Variants in FAM13B observed in about 807,000 individuals in gnomAD.
The protein encoded by FAM13B is protein FAM13B.
A neutral mutation model predicts 117.3 loss-of-function variants in FAM13B; 60 were observed. The ratio of observed to expected loss-of-function variants is 0.51; its 90% CI spans 0.42 to 0.63. The LOEUF is 0.63. Ranked by LOEUF, FAM13B falls within the 30% of genes least tolerant of loss-of-function variation. FAM13B has a pLI of 0.00. For synonymous variants in FAM13B, 332 were observed against 356.1 expected (o/e 0.93, Z 0.76); for missense variants, 972 against 1,091.9 (o/e 0.89, Z 1.55).
chr5:137,941,772 A>G (rs1465176497), intron 23 of FAM13B, among the ~76,000 whole-genome samples, 172 bp downstream of exon 23: 2 of 152,234 alleles, frequency 1.3e-5, no homozygotes, highest in African/African-American at 4.8e-5. Flanking sequence ...GGCTGTGACT[A>G]TTCCTGGCCA....
chr5:137,969,080 G>A (rs557589682), intron 10 of FAM13B, among the ~76,000 whole-genome samples: 14 of 152,366 alleles, frequency 9.2e-5, no homozygotes, highest in South Asian at 8.3e-4. Flanking sequence ...CAAAGCAGCC[G>A]GGAAGCTCTA....
Position 138,032,831 on chromosome 5 carries a change from C to G in FAM13B, c.-252G>C, listed in dbSNP as rs1160647525. 1.0e-6 allele frequency: 1 copy of G among 985,772 alleles called. No homozygotes were observed. The highest frequency in any genetic ancestry group is 1.7e-5 in the African/African-American group (1 of 57,366). 61.1% of individuals were successfully genotyped at this position (985,772 alleles called of 1,614,324 possible). ...CCTGGCCGCGGCCGCTTCTCCAGGA[C>G]CCGCGGCGACGGCAAGAGGGCGAGA... is the stretch of plus-strand genomic sequence containing the variant. On this transcript the variant is annotated 5_prime_UTR_variant, in exon 1 of 24. Transcript: ENST00000689681.
upstream of FAM13B, chr5:138,036,119 C>T (rs1791132973): frequency 3.0e-6 from 1 of 332,190 alleles, no homozygotes. Flanking sequence ...GTTGTGCACT[C>T]CGTACCCTAG....
chr5:137,939,801 C>T lies in FAM13B; in HGVS notation c.*424G>A. 1.7e-6 allele frequency: 2 copies of T among 1,179,894 alleles called. No homozygotes were observed. The highest frequency in any genetic ancestry group is 1.1e-6 in the Non-Finnish European group (1 of 946,232). The allele number at this position is 1,179,894 out of a possible 1,614,324, so 73.1% of individuals were successfully genotyped here. A position where few individuals can be genotyped will look rare whatever the true frequency, so the allele number is the denominator to read the frequency against. On this transcript the variant is annotated 3_prime_UTR_variant, in exon 24 of 24. Coordinates refer to ENST00000689681, the MANE Select transcript of FAM13B (RefSeq NM_001385994.1). Reference sequence around the variant, plus strand: ...CTTTTCTTTCAAATTTTCAGTCATTCTGTAAGAAAAAGGCAACAGAAGAAT... The same window carrying T: ...CTTTTCTTTCAAATTTTCAGTCATTTTGTAAGAAAAAGGCAACAGAAGAAT...
chr5:138,005,622 TAGA>T (rs1044692593), intron 7 of FAM13B, among the ~76,000 whole-genome samples: 4 of 151,784 alleles, frequency 2.6e-5, no homozygotes, highest in Admixed American at 6.6e-5. Flanking sequence ...AAAAATAAAT[TAGA>T]AGGTCATGTA....
chr5:137,940,138 A>G lies in FAM13B; in HGVS notation c.*87T>C, dbSNP rs1315083471. On this transcript the variant is annotated 3_prime_UTR_variant, in exon 24 of 24. Transcript: ENST00000689681. ...TGAGATTCTCTGAGTGCCTGACAAA[A>G]CGAATTTAAGTACCAGCCAAGTACA... 1 of 1,613,920 alleles carries G rather than the reference A, an allele frequency of 6.2e-7. No individual in the cohort carries two copies. The highest frequency in any genetic ancestry group is 8.5e-7 in the Non-Finnish European group (1 of 1,179,916).
At chr5:137,943,359 C>T in intron 20 of FAM13B, 143 bp from the exon 21 acceptor site, 2 of 649,576 alleles carry the variant, frequency 3.1e-6, no homozygotes, top group Non-Finnish European at 5.1e-6. Context: ...GAATTGCTTA[C>T]ATTTATTTTT....
At position 138,011,920 on chromosome 5, in the gene FAM13B, T is replaced by C; in HGVS notation, c.396A>G (p.Gly132=). Residue 132 remains glycine, a synonymous_variant, in exon 5 of 24, where the codon GGA becomes GGG. Transcript: ENST00000689681. The part of the protein sequence containing the change: ...SQDYNNEDEF[G]RKLRFLLQQL... ...GTTGCAAGAGGAACCTCAACTTTCT[T>C]CCAAATTCATCTTCATTATTATAAT... 6.3e-7 allele frequency: 1 copy of C among 1,587,762 alleles called. No homozygotes were observed. Among genetic ancestry groups the C allele is most frequent in the African/African-American group, 1.4e-5 (1 of 72,992 alleles).
intron 20 of FAM13B, among the ~76,000 whole-genome samples, chr5:137,943,781 G>A (rs754733219): frequency 3.9e-5 from 6 of 152,056 alleles, no homozygotes; most frequent in Non-Finnish European, 5.9e-5. Context: ...CATACATATA[G>A]TTTAATGGGA....
chr5:137,952,748 A>T (rs376011584), intron 16 of FAM13B, 39 bp from the exon 17 acceptor site: 45 of 1,202,608 alleles, frequency 3.7e-5, no homozygotes, highest in Non-Finnish European at 4.7e-5. Flanking sequence ...CACTTGTGAT[A>T]AGCAATAGTT....
At chr5:138,034,878 C>T (rs1190701298), upstream of FAM13B, among the ~76,000 whole-genome samples, 1 of 152,034 alleles carries the variant, frequency 6.6e-6, no homozygotes, top group Non-Finnish European at 1.5e-5. Context: ...TAAAAACCTC[C>T]TCCGCCTGCC....
At chr5:137,944,268 C>T (rs1209598561) in intron 20 of FAM13B, among the ~76,000 whole-genome samples, 1 of 152,088 alleles carries the variant, frequency 6.6e-6, no homozygotes, top group Admixed American at 6.6e-5. Context: ...CATTCATCTG[C>T]TGACATTCGA....
intron 6 of FAM13B, 39 bp downstream of exon 6, chr5:138,010,969 A>AAG: frequency 7.0e-7 from 1 of 1,423,108 alleles, no homozygotes; most frequent in East Asian, 2.7e-5. Context: ...AAAAAAAAAA[A>AAG]AAAAAAAAAA....
chr5:138,038,128 T>C (rs1184863217), intron 1 of FAM13B, among the ~76,000 whole-genome samples: 4 of 152,222 alleles, frequency 2.6e-5, no homozygotes, highest in Non-Finnish European at 4.4e-5. Flanking sequence ...TGAGGCCCAG[T>C]GTGAACACCT....
chr5:137,941,957 GATA>G lies in FAM13B; in HGVS notation c.2674_2676del (p.Tyr892del). ...TGCTCAACAAACCTTCCATTTTGTTGATAAAATGCTTCTTCAAATTCCCGCAAC... is the reference window on the plus strand; with the variant it reads ...TGCTCAACAAACCTTCCATTTTGTTGAAATGCTTCTTCAAATTCCCGCAAC... On this transcript the variant is annotated inframe_deletion, in exon 23 of 24. Coordinates refer to ENST00000689681, the MANE Select transcript of FAM13B (RefSeq NM_001385994.1). 6.2e-7 allele frequency: 1 copy of G among 1,613,672 alleles called. No individual in the cohort carries two copies. The highest frequency in any genetic ancestry group is 8.5e-7 in the Non-Finnish European group (1 of 1,179,748).
intron 1 of FAM13B, among the ~76,000 whole-genome samples, chr5:138,028,747 G>T (rs1213405968): frequency 6.6e-6 from 1 of 152,208 alleles, no homozygotes; most frequent in Non-Finnish European, 1.5e-5. Context: ...GCCAGGTGCA[G>T]TGGCTCACGC....
At chr5:138,026,198 A>G (rs543403076) in intron 1 of FAM13B, among the ~76,000 whole-genome samples, 1 of 152,350 alleles carries the variant, frequency 6.6e-6, no homozygotes, top group South Asian at 2.1e-4. Context: ...ACTGAAACAC[A>G]GAACTTTTTG....
chr5:137,992,800 A>G (rs933434804), intron 7 of FAM13B, among the ~76,000 whole-genome samples: 1 of 152,232 alleles, frequency 6.6e-6, no homozygotes, highest in Admixed American at 6.5e-5. Flanking sequence ...GTAAACTGGA[A>G]TAAGTACGTT....
intron 20 of FAM13B, among the ~76,000 whole-genome samples, chr5:137,944,777 A>AAAAAC (rs1762979663): frequency 6.6e-6 from 1 of 150,772 alleles, no homozygotes; most frequent in Non-Finnish European, 1.5e-5. Context: ...AAAAAAAAAA[A>AAAAAC]ACAAAATCAT....
Sources: gnomAD v4.1 joint callset for allele counts (sites outside exome capture counted in the v4.1 genomes callset) on GRCh38, gnomAD v4.1.1 for gene constraint, MANE v1.5 for transcripts, NCBI Gene and HGNC (gene_info 2026-07-23, HGNC 2026-07-21) for gene names.